Variants in SORCS1 observed in about 807,000 individuals in gnomAD.
The protein encoded by SORCS1 is sortilin related VPS10 domain containing receptor 1.
Under a neutral mutation model 146.1 loss-of-function variants are expected in SORCS1, and 60 were observed. That is an observed-to-expected ratio of 0.41 (90% CI 0.33 to 0.51). The LOEUF (loss-of-function observed/expected upper bound fraction) is 0.51, where lower values mean the gene tolerates loss of function less well. SORCS1 is among the 20% of genes least tolerant of loss of function. The pLI, the probability that SORCS1 is intolerant of heterozygous loss-of-function variation, is 0.21. For synonymous variants in SORCS1, 637 were observed against 584.0 expected (o/e 1.09, Z -1.31); for missense variants, 1,352 against 1,487.6 (o/e 0.91, Z 1.50).
intron 1 of SORCS1, among the ~76,000 whole-genome samples, chr10:106,963,646 T>TA (rs1168648391): frequency 6.6e-6 from 1 of 151,388 alleles, no homozygotes; most frequent in African/African-American, 2.4e-5. Context: ...ATAACTTTAA[T>TA]AATATTACTC....
intron 2 of SORCS1, among the ~76,000 whole-genome samples, chr10:106,939,057 A>G (rs1417480925): frequency 6.6e-6 from 1 of 152,256 alleles, no homozygotes; most frequent in Admixed American, 6.5e-5. Context: ...TTTTGAGGTC[A>G]GAAGTGATAG....
intron 1 of SORCS1, among the ~76,000 whole-genome samples, chr10:107,039,316 C>T (rs1378024447): frequency 7.5e-6 from 1 of 133,840 alleles, no homozygotes; most frequent in African/African-American, 2.8e-5. Flanking sequence ...GACAGAGAGA[C>T]TCCATCTCAA....
rs1024761820 is a variant in SORCS1, at chr10:107,113,622, G to A, written c.558+50347C>T. On this transcript the variant is annotated intron_variant, in intron 1 of 25. Coordinates refer to ENST00000263054, the MANE Select transcript of SORCS1 (RefSeq NM_052918.5). Reference sequence around the variant, plus strand: ...GGAGAATCGCTTGAACCCGGGAGGCGGAGGTTGCAGTGAGCGGAGATCACA... The same window carrying A: ...GGAGAATCGCTTGAACCCGGGAGGCAGAGGTTGCAGTGAGCGGAGATCACA... Among the ~76,000 whole-genome samples the A allele has an allele frequency of 3.3e-5, 5 of 150,778 alleles. No individual in the cohort carries two copies. The East Asian group carries it at 5.9e-4, about 18-fold the overall frequency.
chr10:106,638,394 G>GA (rs996049888), intron 18 of SORCS1, among the ~76,000 whole-genome samples: 9 of 148,520 alleles, frequency 6.1e-5, no homozygotes, highest in East Asian at 2.0e-4. Context: ...TTAGAATAAA[G>GA]AAAAAAAAAG....
chr10:106,619,944 T>C (rs1295452393), intron 20 of SORCS1, among the ~76,000 whole-genome samples: 1 of 152,204 alleles, frequency 6.6e-6, no homozygotes, highest in African/African-American at 2.4e-5. Context: ...GGAAATCTAT[T>C]GCTTGCGCCT....
intron 3 of SORCS1, among the ~76,000 whole-genome samples, chr10:106,815,922 T>C (rs748120269): frequency 3.3e-5 from 5 of 152,228 alleles, no homozygotes; most frequent in Non-Finnish European, 7.3e-5. Flanking sequence ...TTTAACTTGC[T>C]TAGATCTTGA....
intron 3 of SORCS1, among the ~76,000 whole-genome samples, chr10:106,808,607 A>G (rs1947305855): frequency 6.6e-6 from 1 of 152,030 alleles, no homozygotes; most frequent in Non-Finnish European, 1.5e-5. Context: ...GGTTCACACC[A>G]TTCTCCTGCC....
At chr10:107,056,664 T>C (rs1464883080) in intron 1 of SORCS1, among the ~76,000 whole-genome samples, 1 of 152,220 alleles carries the variant, frequency 6.6e-6, no homozygotes, top group East Asian at 1.9e-4. Flanking sequence ...CAACCACTTA[T>C]AAGTGATAAA....
chr10:106,995,706 T>C (rs1408105744), intron 1 of SORCS1, among the ~76,000 whole-genome samples: 1 of 152,106 alleles, frequency 6.6e-6, no homozygotes, highest in Non-Finnish European at 1.5e-5. Context: ...ATATTCGTCA[T>C]GGTAGAAACA....
intron 1 of SORCS1, among the ~76,000 whole-genome samples, chr10:107,001,742 G>C (rs896469532): frequency 3.9e-5 from 6 of 152,108 alleles, no homozygotes; most frequent in African/African-American, 1.4e-4. Flanking sequence ...GGTATTACAG[G>C]GGTAAGCCAC....
chr10:106,996,295 G>C (rs553195657), intron 1 of SORCS1, among the ~76,000 whole-genome samples: 1 of 151,574 alleles, frequency 6.6e-6, no homozygotes, highest in Non-Finnish European at 1.5e-5. Flanking sequence ...AACTACCTGG[G>C]GTCAGGGGAG....
At chr10:106,680,798 T>C (rs1589650624) in intron 10 of SORCS1, among the ~76,000 whole-genome samples, 1 of 152,222 alleles carries the variant, frequency 6.6e-6, no homozygotes, top group East Asian at 1.9e-4. Flanking sequence ...GTATCTCTGT[T>C]ATTACTTTTA....
intron 2 of SORCS1, among the ~76,000 whole-genome samples, chr10:106,935,051 C>G (rs908932286): frequency 6.6e-6 from 1 of 151,626 alleles, no homozygotes; most frequent in Non-Finnish European, 1.5e-5. Flanking sequence ...CACGAGTACC[C>G]CAAAAACTAC....
At chr10:107,080,525 C>T (rs1013368995) in intron 1 of SORCS1, among the ~76,000 whole-genome samples, 7 of 152,156 alleles carry the variant, frequency 4.6e-5, no homozygotes, top group African/African-American at 1.7e-4. Flanking sequence ...GGTCTGGTAA[C>T]AACATATTTA....
intron 1 of SORCS1, among the ~76,000 whole-genome samples, chr10:106,970,442 G>A (rs1009877346): frequency 4.7e-5 from 7 of 147,538 alleles, no homozygotes; most frequent in South Asian, 4.3e-4. Flanking sequence ...GGGTTCAAGC[G>A]ATTCTCCTGC....
At chr10:106,961,809 T>C (rs1955237585) in intron 1 of SORCS1, among the ~76,000 whole-genome samples, 1 of 152,196 alleles carries the variant, frequency 6.6e-6, no homozygotes. Context: ...TTGCAAGTTA[T>C]TAAAAGTGGG....
chr10:106,610,514 G>T (rs1589465215), intron 22 of SORCS1, among the ~76,000 whole-genome samples: 1 of 152,148 alleles, frequency 6.6e-6, no homozygotes, highest in East Asian at 1.9e-4. Context: ...AGGTAATGAA[G>T]ACAGGGAAGA....
intron 1 of SORCS1, among the ~76,000 whole-genome samples, chr10:107,108,478 T>C (rs1415084452): frequency 6.6e-6 from 1 of 152,066 alleles, no homozygotes; most frequent in Non-Finnish European, 1.5e-5. Context: ...CACTTTTAAA[T>C]GACCAGATCT....
At chr10:106,629,547 C>G (rs138174446) in intron 18 of SORCS1, among the ~76,000 whole-genome samples, 159 bp from the exon 19 acceptor site, 9 of 152,314 alleles carry the variant, frequency 5.9e-5, no homozygotes, top group Non-Finnish European at 1.0e-4. Flanking sequence ...TGACAGAATC[C>G]CTGTGACATT....
Sources: allele counts gnomAD v4.1 joint callset (sites outside exome capture counted in the v4.1 genomes callset), GRCh38; gene constraint gnomAD v4.1.1; transcripts MANE v1.5; gene names NCBI Gene and HGNC (gene_info 2026-07-23, HGNC 2026-07-21).